Variants in ZC4H2 observed in about 807,000 individuals in gnomAD.
The protein encoded by ZC4H2 is zinc finger C4H2-type containing.
For missense variants in ZC4H2, 137 were observed against 173.9 expected (o/e 0.79, Z 1.19); for synonymous variants, 84 against 66.3 (o/e 1.27, Z -1.30).
chrX:64,954,712 C>T (rs778805355), intron 1 of ZC4H2, among the ~76,000 whole-genome samples: 11 of 108,516 alleles, frequency 1.0e-4, no homozygotes, highest in African/African-American at 2.4e-4. Flanking sequence ...TCATTTGGAC[C>T]GGATAAGAAT....
Position 64,992,448 on chromosome X carries a change from C to T in ZC4H2, c.-272+42181G>A, listed in dbSNP as rs931233915. On this transcript the variant is annotated intron_variant, in intron 1 of 4. Coordinates refer to the ZC4H2 transcript ENST00000337990. ...GCTCATCAGCAAGAGTTATAATAACCTCTGCCCACTGCCTTGTGGGGTTCA... is the reference window on the plus strand; with the variant it reads ...GCTCATCAGCAAGAGTTATAATAACTTCTGCCCACTGCCTTGTGGGGTTCA... Among the ~76,000 whole-genome samples, 3 of 111,596 alleles carry T rather than the reference C, an allele frequency of 2.7e-5. 1 individual carries two copies. Among genetic ancestry groups the T allele is most frequent in the South Asian group, 7.6e-4 (2 of 2,644 alleles).
intron 1 of ZC4H2, among the ~76,000 whole-genome samples, chrX:64,930,298 A>C (rs1428641289): frequency 9.0e-6 from 1 of 111,460 alleles, no homozygotes; most frequent in African/African-American, 3.3e-5. Context: ...TAGGCATATG[A>C]TCATATCATT....
At chrX:64,949,688 G>A (rs1398343172) in intron 1 of ZC4H2, among the ~76,000 whole-genome samples, 1 of 111,496 alleles carries the variant, frequency 9.0e-6, no homozygotes, top group Admixed American at 9.5e-5. Flanking sequence ...GGGATTGGTG[G>A]TGATATCCCC....
chrX:64,973,638 C>A (rs1931852628), intron 1 of ZC4H2, among the ~76,000 whole-genome samples: 2 of 110,819 alleles, frequency 1.8e-5, no homozygotes, highest in Non-Finnish European at 3.8e-5. Context: ...TTTATTGTTT[C>A]TTTTCTGTTT....
At chrX:64,934,334 C>T (rs1408588412) in intron 1 of ZC4H2, among the ~76,000 whole-genome samples, 1 of 112,400 alleles carries the variant, frequency 8.9e-6, no homozygotes, top group Non-Finnish European at 1.9e-5. Context: ...ATTACAAATT[C>T]AATTTCCTAA....
At chrX:64,933,442 T>G in intron 1 of ZC4H2, among the ~76,000 whole-genome samples, 1 of 111,877 alleles carries the variant, frequency 8.9e-6, no homozygotes. Context: ...CTTGTCATAT[T>G]ACCAGAATTA....
At chrX:64,952,540 C>A (rs1318750998) in intron 1 of ZC4H2, among the ~76,000 whole-genome samples, 2 of 110,608 alleles carry the variant, frequency 1.8e-5, no homozygotes, top group Admixed American at 1.9e-4. Context: ...AAACAGAGAG[C>A]CAAATCATGA....
upstream of ZC4H2, among the ~76,000 whole-genome samples, chrX:64,978,043 T>C (rs1351564349): frequency 1.8e-5 from 2 of 110,767 alleles, no homozygotes; most frequent in Non-Finnish European, 3.8e-5. Context: ...TAAAAGTGAG[T>C]CAGAACTCTC....
chrX:64,956,960 A>G (rs1319741771), intron 1 of ZC4H2, among the ~76,000 whole-genome samples: 2 of 112,487 alleles, frequency 1.8e-5, no homozygotes, highest in Non-Finnish European at 3.8e-5. Context: ...CAACATCTCA[A>G]AATTGAGAAA....
chrX:64,972,694 G>T (rs1931821261), intron 1 of ZC4H2, among the ~76,000 whole-genome samples: 1 of 111,564 alleles, frequency 9.0e-6, no homozygotes, highest in South Asian at 3.7e-4. Flanking sequence ...GTAAAGTGGG[G>T]GTAATAATTC....
chrX:64,979,303 T>A (rs996195802), upstream of ZC4H2, among the ~76,000 whole-genome samples: 8 of 112,299 alleles, frequency 7.1e-5, no homozygotes, highest in Non-Finnish European at 1.5e-4. Flanking sequence ...CAATATAGGG[T>A]GTCTGCAGAG....
At chrX:64,932,403 T>C (rs1206618811) in intron 1 of ZC4H2, among the ~76,000 whole-genome samples, 1 of 111,747 alleles carries the variant, frequency 8.9e-6, no homozygotes, top group East Asian at 2.8e-4. Flanking sequence ...ACTTATCATG[T>C]AGTTGTTGCC....
intron 1 of ZC4H2, among the ~76,000 whole-genome samples, chrX:64,942,857 T>G (rs1484458585): frequency 1.8e-5 from 2 of 111,889 alleles, no homozygotes; most frequent in East Asian, 5.6e-4. Flanking sequence ...GTAATGGGAT[T>G]GCTGGGTCAG....
chrX:64,932,939 C>A lies in ZC4H2; in HGVS notation c.54-10951G>T, dbSNP rs771712387. On this transcript the variant is annotated intron_variant, in intron 1 of 4. Transcript: ENST00000374839. Reference sequence around the variant, plus strand: ...GCCAGGGAAGTTTTCCTCAATTATTCCCTCAAATAAGTTTTCCAAACTTTT... The same window carrying A: ...GCCAGGGAAGTTTTCCTCAATTATTACCTCAAATAAGTTTTCCAAACTTTT... Among the ~76,000 whole-genome samples the A allele has an allele frequency of 4.5e-5, 5 of 111,661 alleles. No individual in the cohort carries two copies. The East Asian group carries it at 1.4e-3, about 31-fold the overall frequency.
At chrX:64,934,934 GGTT>G (rs1440040176) in intron 1 of ZC4H2, among the ~76,000 whole-genome samples, 1 of 109,609 alleles carries the variant, frequency 9.1e-6, no homozygotes, top group East Asian at 3.0e-4. Context: ...CTAGCTGCAG[GGTT>G]TTTTTTTTTT....
chrX:64,954,899 T>G (rs1464381117), intron 1 of ZC4H2, among the ~76,000 whole-genome samples: 2 of 111,630 alleles, frequency 1.8e-5, no homozygotes, highest in Non-Finnish European at 3.8e-5. Flanking sequence ...AAATTACCTA[T>G]GATAACCCAC....
intron 1 of ZC4H2, among the ~76,000 whole-genome samples, chrX:64,956,407 A>G (rs1931157785): frequency 9.0e-6 from 1 of 111,411 alleles, no homozygotes; most frequent in African/African-American, 3.3e-5. Context: ...TTCTCTCAAA[A>G]GTTTTAAATG....
intron 1 of ZC4H2, among the ~76,000 whole-genome samples, chrX:64,941,791 T>A (rs1028011160): frequency 1.8e-5 from 2 of 111,705 alleles, no homozygotes; most frequent in African/African-American, 6.5e-5. Context: ...TGGATTCGGT[T>A]TGCCAGTATT....
chrX:64,996,489 A>T (rs911912931), intron 1 of ZC4H2, among the ~76,000 whole-genome samples: 11 of 111,871 alleles, frequency 9.8e-5, no homozygotes, highest in African/African-American at 3.6e-4. Flanking sequence ...CAAAAAGAAA[A>T]TAAACAGAAA....
Sources: allele counts gnomAD v4.1 joint callset (sites outside exome capture counted in the v4.1 genomes callset), GRCh38; gene constraint gnomAD v4.1.1; transcripts MANE v1.5; gene names NCBI Gene and HGNC (gene_info 2026-07-23, HGNC 2026-07-21).